MTMR14: variants seen among roughly 807,000 people sequenced by gnomAD.
MTMR14 encodes myotubularin related protein 14.
Under a neutral mutation model 86.3 loss-of-function variants are expected in MTMR14, and 48 were observed. That is an observed-to-expected ratio of 0.56 (90% CI 0.44 to 0.71). The LOEUF is 0.71. Among genes scored for constraint, MTMR14 ranks in the 30% least tolerant of loss-of-function variants. The pLI is 0.00. For synonymous variants in MTMR14, 366 were observed against 326.1 expected (o/e 1.12, Z -1.32); for missense variants, 780 against 834.6 (o/e 0.93, Z 0.81).
intron 2 of MTMR14, among the ~76,000 whole-genome samples, chr3:9,661,262 A>G (rs1448652701): frequency 4.6e-5 from 7 of 152,108 alleles, no homozygotes; most frequent in Admixed American, 1.3e-4. Flanking sequence ...ATGGAAAACA[A>G]TTTTTCCACG....
chr3:9,687,790 T>C, intron 13 of MTMR14, 31 bp from the exon 14 acceptor site: 1 of 1,552,664 alleles, frequency 6.4e-7, no homozygotes, highest in Non-Finnish European at 8.7e-7. Flanking sequence ...TTGGTTCTTC[T>C]CATTGTGCGC....
At chr3:9,673,132 A>G (rs2048664045) in intron 7 of MTMR14, among the ~76,000 whole-genome samples, 1 of 152,254 alleles carries the variant, frequency 6.6e-6, no homozygotes, top group Non-Finnish European at 1.5e-5. Flanking sequence ...TGACATTATT[A>G]GTACTCTGTG....
chr3:9,673,041 C>T (rs907438634), intron 7 of MTMR14, among the ~76,000 whole-genome samples: 1 of 152,208 alleles, frequency 6.6e-6, no homozygotes, highest in African/African-American at 2.4e-5. Flanking sequence ...CTCAAGTTTT[C>T]TCAGGAGCTT....
In MTMR14 at chr3:9,688,994, G is replaced by A. The variant is rs374725262; in HGVS notation, c.1345G>A (p.Val449Ile). Residue 449 changes from valine to isoleucine, a missense_variant, in exon 16 of 19, where the codon GTC (valine) becomes ATC (isoleucine). Val to Ile is a conservative substitution (Grantham distance 29). Coordinates refer to ENST00000296003, the MANE Select transcript of MTMR14 (RefSeq NM_001077525.3). The stretch of plus-strand genomic sequence containing the variant: ...CAGCCTTGGCAGCGACTTCTCCCTG[G>A]TCATGGAGAGTTCCCCAGGAGCCAC... ...TTSLGSDFSL[V>I]MESSPGATGS... 5 of 1,613,864 alleles carry A rather than the reference G, an allele frequency of 3.1e-6. No individual in the cohort carries two copies. In the African/African-American group the frequency reaches 5.3e-5, roughly 17 times the overall value.
At chr3:9,673,930 GTGGTGATGATGTTGATGA>G (rs2048712776) in intron 7 of MTMR14, among the ~76,000 whole-genome samples, 2 of 152,104 alleles carry the variant, frequency 1.3e-5, no homozygotes. Flanking sequence ...GATGATGATG[GTGGTGATGATGTTGATGA>G]TGGTGATGAT....
Position 9,702,327 on chromosome 3 carries a change from C to T in MTMR14, c.*354C>T. ...TCTTGTTTCTGGGGAGGAGGGATCA[C>T]CTGCACTGAGAATGAGGCAGTTTGA... On this transcript the variant is annotated 3_prime_UTR_variant, in exon 19 of 19. Transcript: ENST00000296003. 1 of 390,164 alleles carries T rather than the reference C, an allele frequency of 2.6e-6. No individual in the cohort carries two copies. Among genetic ancestry groups the T allele is most frequent in the Non-Finnish European group, 4.9e-6 (1 of 205,028 alleles). The allele number at this position is 390,164 out of a possible 1,614,324, so 24.2% of individuals were successfully genotyped here. A position where few individuals can be genotyped will look rare whatever the true frequency, so the allele number is the denominator to read the frequency against.
intron 3 of MTMR14, 128 bp from the exon 4 acceptor site, chr3:9,668,591 T>C (rs1357540493): frequency 4.5e-6 from 4 of 884,868 alleles, no homozygotes; most frequent in Non-Finnish European, 7.4e-6. Context: ...TTGATGCTGA[T>C]AAAACTTTGG....
chr3:9,695,218 G>A (rs749752501), intron 17 of MTMR14, among the ~76,000 whole-genome samples: 1 of 152,240 alleles, frequency 6.6e-6, no homozygotes, highest in Non-Finnish European at 1.5e-5. Flanking sequence ...ATGATGCACT[G>A]TAGGTGTCCC....
chr3:9,654,131 A>G (rs2047465493), intron 2 of MTMR14, among the ~76,000 whole-genome samples: 1 of 152,186 alleles, frequency 6.6e-6, no homozygotes, highest in Admixed American at 6.5e-5. Flanking sequence ...GTAGCACTTG[A>G]GAGCCTAAGG....
At chr3:9,687,274 G>A (rs1000295173) in intron 13 of MTMR14, among the ~76,000 whole-genome samples, 1 of 152,150 alleles carries the variant, frequency 6.6e-6, no homozygotes, top group African/African-American at 2.4e-5. Context: ...TCACTGGCCT[G>A]GCTGGGCACG....
chr3:9,698,211 G>T (rs1054740564), intron 18 of MTMR14, among the ~76,000 whole-genome samples: 1 of 152,268 alleles, frequency 6.6e-6, no homozygotes, highest in Non-Finnish European at 1.5e-5. Flanking sequence ...GATAGTGAAG[G>T]TAGGTGTATG....
chr3:9,682,196 A>C (rs189555963), intron 9 of MTMR14, among the ~76,000 whole-genome samples: 1 of 152,312 alleles, frequency 6.6e-6, no homozygotes, highest in Non-Finnish European at 1.5e-5. Flanking sequence ...CTTTATTAGC[A>C]CAGCACTACA....
In MTMR14 at chr3:9,671,601, T is replaced by TCAGCTTCCCAAAGTGCTGGGATTA. The variant is rs557337784; in HGVS notation, c.677+434_677+457dup. 9.5e-3 allele frequency among the ~76,000 whole-genome samples: 1,444 copies of TCAGCTTCCCAAAGTGCTGGGATTA among 152,272 alleles called. 17 individuals are homozygous for TCAGCTTCCCAAAGTGCTGGGATTA. Among genetic ancestry groups the TCAGCTTCCCAAAGTGCTGGGATTA allele is most frequent in the African/African-American group, 0.033 (1,352 of 41,520 alleles). On this transcript the variant is annotated intron_variant, in intron 6 of 18. Coordinates refer to ENST00000296003, the MANE Select transcript of MTMR14 (RefSeq NM_001077525.3). ...TGTGGCCCTAAGCAGTCCTCCTGCCTCAGCTTCCCAAAGTGCTGGGATTAC... is the reference window on the plus strand; with the variant it reads ...TGTGGCCCTAAGCAGTCCTCCTGCCTCAGCTTCCCAAAGTGCTGGGATTACAGCTTCCCAAAGTGCTGGGATTAC...
intron 13 of MTMR14, among the ~76,000 whole-genome samples, chr3:9,685,966 G>A (rs1226709360): frequency 6.6e-6 from 1 of 152,140 alleles, no homozygotes; most frequent in African/African-American, 2.4e-5. Context: ...GTGAGAGAAT[G>A]AGTCCAGGTG....
chr3:9,679,909 T>G (rs2125220925), intron 9 of MTMR14, among the ~76,000 whole-genome samples: 1 of 152,348 alleles, frequency 6.6e-6, no homozygotes, highest in African/African-American at 2.4e-5. Flanking sequence ...TCTTCAGTGT[T>G]GCTCAACCTG....
At chr3:9,692,958 CTG>C (rs1266876802) in intron 17 of MTMR14, among the ~76,000 whole-genome samples, 3 of 152,210 alleles carry the variant, frequency 2.0e-5, no homozygotes, top group African/African-American at 7.2e-5. Flanking sequence ...AGTATTAACT[CTG>C]TGTGACTTCA....
intron 18 of MTMR14, chr3:9,700,299 G>A (rs1177125868): frequency 6.6e-6 from 1 of 152,192 alleles, no homozygotes; most frequent in Non-Finnish European, 1.5e-5. Context: ...AGGCATGGAT[G>A]GTCTTAGTAT....
rs189152043 is a variant in MTMR14 at position 9,670,572 on chromosome 3, G to A, written c.555-476G>A. Among the ~76,000 whole-genome samples the A allele has an allele frequency of 1.7e-4, 26 of 151,920 alleles. No homozygotes were observed. The East Asian group carries it at 4.8e-3, about 28-fold the overall frequency. ...ACTTGCTAGTATTTCATAATCAGTT[G>A]ATAAAATAGCTCTAAAAACTTTATC... On this transcript the variant is annotated intron_variant, in intron 5 of 18. Coordinates refer to ENST00000296003, the MANE Select transcript of MTMR14 (RefSeq NM_001077525.3).
intron 6 of MTMR14, among the ~76,000 whole-genome samples, chr3:9,672,396 C>T (rs902190473): frequency 6.6e-6 from 1 of 152,126 alleles, no homozygotes; most frequent in Non-Finnish European, 1.5e-5. Flanking sequence ...CGCGCTGCCA[C>T]ACCCCACTAG....
Sources: gnomAD v4.1 joint callset for allele counts (sites outside exome capture counted in the v4.1 genomes callset) on GRCh38, gnomAD v4.1.1 for gene constraint, MANE v1.5 for transcripts, NCBI Gene and HGNC (gene_info 2026-07-23, HGNC 2026-07-21) for gene names.